TRHDE: variants seen among roughly 807,000 people sequenced by gnomAD.
TRHDE encodes the protein thyrotropin releasing hormone degrading enzyme, also known as thyrotropin-releasing hormone-degrading ectoenzyme.
Under a neutral mutation model 125.7 loss-of-function variants are expected in TRHDE, and 72 were observed. That is an observed-to-expected ratio of 0.57 (90% CI 0.47 to 0.70). TRHDE has a LOEUF of 0.70. Ranked by LOEUF, TRHDE falls within the 30% of genes least tolerant of loss-of-function variation. TRHDE has a pLI of 0.00. For missense variants in TRHDE, 1,110 were observed against 1,327.1 expected (o/e 0.84, Z 2.54); for synonymous variants, 509 against 509.1 (o/e 1.00, Z 0.00).
chr12:72,448,389 T>A (rs1875404514), intron 3 of TRHDE, among the ~76,000 whole-genome samples: 2 of 152,082 alleles, frequency 1.3e-5, no homozygotes, highest in Non-Finnish European at 2.9e-5. Flanking sequence ...CCACTATAAA[T>A]TCATGATAAA....
intron 1 of TRHDE, 109 bp from the exon 2 acceptor site, chr12:72,286,572 A>G (rs1236102544): frequency 9.1e-7 from 1 of 1,098,360 alleles, no homozygotes; most frequent in African/African-American, 1.6e-5. Flanking sequence ...TCAGAAAAAA[A>G]TATTGCAATT....
intron 3 of TRHDE, among the ~76,000 whole-genome samples, chr12:72,460,543 CAGTATT>C (rs1213835709): frequency 6.6e-6 from 1 of 152,024 alleles, no homozygotes; most frequent in Non-Finnish European, 1.5e-5. Flanking sequence ...TCAGTCTGGC[CAGTATT>C]AGGTAATGAG....
chr12:72,405,271 T>C (rs1013794384), intron 3 of TRHDE, among the ~76,000 whole-genome samples: 2 of 152,192 alleles, frequency 1.3e-5, no homozygotes, highest in African/African-American at 4.8e-5. Context: ...ATAGAGGAGA[T>C]AATGTTTAAT....
intron 2 of TRHDE, among the ~76,000 whole-genome samples, chr12:72,227,466 T>C (rs959624708): frequency 6.6e-6 from 1 of 152,076 alleles, no homozygotes; most frequent in Non-Finnish European, 1.5e-5. Flanking sequence ...TTCAATTAAC[T>C]CCAACTGGGT....
In TRHDE at chr12:72,495,635, G is replaced by C. The variant is rs77955002; in HGVS notation, c.1585-3863G>C. On this transcript the variant is annotated intron_variant, in intron 5 of 18. Coordinates refer to ENST00000261180, the MANE Select transcript of TRHDE (RefSeq NM_013381.3). Reference sequence around the variant, plus strand: ...TTTTTGTACTTTTTGTTCTACTGTTGAGTTATTTAAGGTTAGGGCCTAGAT... The same window carrying C: ...TTTTTGTACTTTTTGTTCTACTGTTCAGTTATTTAAGGTTAGGGCCTAGAT... Among the ~76,000 whole-genome samples the C allele has an allele frequency of 7.3e-3, 1,102 of 151,922 alleles. 8 individuals carry two copies. Among genetic ancestry groups the C allele is most frequent in the African/African-American group, 0.025 (1,021 of 41,408 alleles).
chr12:72,222,153 C>T (rs1021243213), intron 2 of TRHDE, among the ~76,000 whole-genome samples: 1 of 152,016 alleles, frequency 6.6e-6, no homozygotes, highest in Non-Finnish European at 1.5e-5. Context: ...CTGCCACATT[C>T]TCTTGGTTAA....
intron 3 of TRHDE, among the ~76,000 whole-genome samples, chr12:72,399,390 A>G (rs1293585124): frequency 6.6e-6 from 1 of 152,202 alleles, no homozygotes; most frequent in South Asian, 2.1e-4. Context: ...TTTATCCAGC[A>G]AGTGGGTCAT....
intron 15 of TRHDE, among the ~76,000 whole-genome samples, chr12:72,629,400 T>G (rs2136085024): frequency 6.6e-6 from 1 of 151,850 alleles, no homozygotes; most frequent in Non-Finnish European, 1.5e-5. Flanking sequence ...CAATAGTAAT[T>G]TTCTTATTGT....
At chr12:72,505,745 G>T (rs543226992) in intron 6 of TRHDE, among the ~76,000 whole-genome samples, 1 of 152,090 alleles carries the variant, frequency 6.6e-6, no homozygotes, top group African/African-American at 2.4e-5. Flanking sequence ...AACTTGCTGC[G>T]CTTTGCCAAT....
At chr12:72,578,085 C>T (rs1871078650) in intron 12 of TRHDE, among the ~76,000 whole-genome samples, 1 of 152,082 alleles carries the variant, frequency 6.6e-6, no homozygotes, top group Admixed American at 6.6e-5. Flanking sequence ...TCTCAATCTC[C>T]TAAACACATC....
chr12:72,378,257 A>T (rs1871987944), intron 3 of TRHDE, 136 bp downstream of exon 3: 1 of 916,454 alleles, frequency 1.1e-6, no homozygotes, highest in Non-Finnish European at 1.5e-6. Context: ...ACAAAAAAAA[A>T]TTTCTTTTGA....
At chr12:72,463,680 C>A (rs1042676717) in intron 3 of TRHDE, among the ~76,000 whole-genome samples, 2 of 152,096 alleles carry the variant, frequency 1.3e-5, no homozygotes, top group African/African-American at 4.8e-5. Flanking sequence ...AAAGCTGGGG[C>A]AAAGCATCTT....
At chr12:72,124,460 C>G (rs1875666079) in intron 2 of TRHDE, among the ~76,000 whole-genome samples, 1 of 152,036 alleles carries the variant, frequency 6.6e-6, no homozygotes, top group African/African-American at 2.4e-5. Flanking sequence ...CTGGGAACAA[C>G]AGATTGGGAG....
intron 3 of TRHDE, among the ~76,000 whole-genome samples, chr12:72,400,420 G>A (rs1012863883): frequency 1.3e-5 from 2 of 152,154 alleles, no homozygotes; most frequent in Non-Finnish European, 2.9e-5. Flanking sequence ...TAATATGTAA[G>A]TGTAAGCAAA....
chr12:72,591,632 G>GTTTTT (rs71071842), intron 12 of TRHDE, among the ~76,000 whole-genome samples: 15 of 125,426 alleles, frequency 1.2e-4, no homozygotes, highest in African/African-American at 4.5e-4. Flanking sequence ...AAGGATATGG[G>GTTTTT]TTTTTTTTTT....
In TRHDE at chr12:72,177,434, A is replaced by G. The variant is rs144329042; in HGVS notation, n.279+71682A>G. On this transcript the variant is annotated intron_variant and non_coding_transcript_variant, in intron 2 of 4. Transcript: ENST00000548156. ...ATTTATCTAGGAATGTATACTGAAC[A>G]CAGGCATTTTGAAGATCAAATAGCT... Among the ~76,000 whole-genome samples, 103 of 152,306 alleles carry G rather than the reference A, an allele frequency of 6.8e-4. 1 individual carries two copies. The East Asian group carries it at 0.016, about 24-fold the overall frequency.
intron 2 of TRHDE, among the ~76,000 whole-genome samples, chr12:72,173,706 T>C (rs1419623665): frequency 3.3e-5 from 5 of 152,218 alleles, no homozygotes; most frequent in Non-Finnish European, 5.9e-5. Context: ...AAAAGTCCCA[T>C]ATGCCCTTTG....
intron 5 of TRHDE, among the ~76,000 whole-genome samples, chr12:72,498,571 C>T (rs1878013540): frequency 6.6e-6 from 1 of 152,118 alleles, no homozygotes. Flanking sequence ...TTTTTTCTTA[C>T]TCTCCTCCTT....
chr12:72,138,066 C>G (rs1010272085), intron 2 of TRHDE, among the ~76,000 whole-genome samples: 2 of 152,168 alleles, frequency 1.3e-5, no homozygotes, highest in African/African-American at 4.8e-5. Context: ...AGAATGGTCA[C>G]TGAACATTGG....
Sources: allele counts gnomAD v4.1 joint callset (sites outside exome capture counted in the v4.1 genomes callset), GRCh38; gene constraint gnomAD v4.1.1; transcripts MANE v1.5; gene names NCBI Gene and HGNC (gene_info 2026-07-23, HGNC 2026-07-21).